Variants in RAB11FIP4 observed in about 807,000 individuals in gnomAD.
The protein encoded by RAB11FIP4 is rab11 family-interacting protein 4.
Under a neutral mutation model 74.3 loss-of-function variants are expected in RAB11FIP4, and 23 were observed. The observed-to-expected ratio is 0.31, with a 90% CI of 0.22 to 0.44. The LOEUF is 0.44. RAB11FIP4 is among the 20% of genes least tolerant of loss of function. The probability of loss-of-function intolerance (pLI) is 1.00; values close to 1 mark genes in which losing one functional copy is unlikely to be tolerated. For missense variants in RAB11FIP4, 630 were observed against 863.9 expected (o/e 0.73, Z 3.39); for synonymous variants, 360 against 359.9 (o/e 1.00, Z 0.00).
At chr17:31,461,612 G>A (rs549422639) in intron 3 of RAB11FIP4, among the ~76,000 whole-genome samples, 6 of 152,240 alleles carry the variant, frequency 3.9e-5, no homozygotes, top group Middle Eastern at 3.4e-3. Context: ...GGACTCATGC[G>A]TGTCTCATCT....
At chr17:31,415,056 C>G (rs2151621009) in intron 1 of RAB11FIP4, among the ~76,000 whole-genome samples, 1 of 152,316 alleles carries the variant, frequency 6.6e-6, no homozygotes, top group East Asian at 1.9e-4. Context: ...GTTCATGGGC[C>G]CCACCCTCCA....
chr17:31,445,953 T>G lies in RAB11FIP4; in HGVS notation c.336+11831T>G, dbSNP rs146822205. ...ATCTAATACAGGATCACACAGTAGT[T>G]TAGTTGCCATGTTTCTTTAGTTTCC... On this transcript the variant is annotated intron_variant, in intron 3 of 14. Coordinates refer to ENST00000621161, the MANE Select transcript of RAB11FIP4 (RefSeq NM_032932.6). 6.6e-5 allele frequency among the ~76,000 whole-genome samples: 10 copies of G among 152,102 alleles called. No homozygotes were observed. The East Asian group carries it at 1.9e-3, about 29-fold the overall frequency.
At chr17:31,516,083 G>C (rs1344503377) in intron 3 of RAB11FIP4, among the ~76,000 whole-genome samples, 1 of 152,140 alleles carries the variant, frequency 6.6e-6, no homozygotes, top group Non-Finnish European at 1.5e-5. Flanking sequence ...CTGTGTGTCA[G>C]ATGCGAACGT....
At chr17:31,517,191 C>CGGGGGGGGG (rs537395833) in intron 3 of RAB11FIP4, among the ~76,000 whole-genome samples, 6 of 42,698 alleles carry the variant, frequency 1.4e-4, no homozygotes, top group Non-Finnish European at 3.3e-4. Flanking sequence ...GGAGGCGGTG[C>CGGGGGGGGG]GGGGGGGGGG....
intron 1 of RAB11FIP4, among the ~76,000 whole-genome samples, chr17:31,428,259 G>A (rs1330803416): frequency 6.6e-6 from 1 of 152,232 alleles, no homozygotes; most frequent in African/African-American, 2.4e-5. Flanking sequence ...GACCCCTGCT[G>A]CAGCTGCCAC....
At chr17:31,456,019 A>G (rs998490329) in intron 3 of RAB11FIP4, among the ~76,000 whole-genome samples, 4 of 152,194 alleles carry the variant, frequency 2.6e-5, no homozygotes, top group African/African-American at 9.7e-5. Flanking sequence ...TGTTAACCCT[A>G]TTCCTTTAGA....
rs140292292 is a variant in RAB11FIP4 at position 31,402,661 on chromosome 17, G to A, written c.159+10650G>A. On this transcript the variant is annotated intron_variant, in intron 1 of 14. Coordinates refer to ENST00000621161, the MANE Select transcript of RAB11FIP4 (RefSeq NM_032932.6). Reference sequence around the variant, plus strand: ...TTTTGAGACAGAGTCTTGCTTTGTCGCCCAGGCTGGCGTGCAGTGGCGCAA... The same window carrying A: ...TTTTGAGACAGAGTCTTGCTTTGTCACCCAGGCTGGCGTGCAGTGGCGCAA... 1.9e-4 allele frequency among the ~76,000 whole-genome samples: 28 copies of A among 146,464 alleles called. No individual in the cohort carries two copies. In the East Asian group the frequency reaches 2.2e-3, roughly 11 times the overall value.
At chr17:31,494,465 T>A (rs2072075168) in intron 3 of RAB11FIP4, among the ~76,000 whole-genome samples, 1 of 152,086 alleles carries the variant, frequency 6.6e-6, no homozygotes, top group Non-Finnish European at 1.5e-5. Context: ...CTGGTTTGAT[T>A]GTTGTGACTA....
chr17:31,516,853 G>A (rs1199941776), intron 3 of RAB11FIP4, among the ~76,000 whole-genome samples: 1 of 152,174 alleles, frequency 6.6e-6, no homozygotes, highest in Non-Finnish European at 1.5e-5. Flanking sequence ...ATTTTCTGGG[G>A]TTTAAATACC....
At chr17:31,393,406 G>A (rs1597892283) in intron 1 of RAB11FIP4, among the ~76,000 whole-genome samples, 1 of 152,204 alleles carries the variant, frequency 6.6e-6, no homozygotes, top group African/African-American at 2.4e-5. Flanking sequence ...ACTGCAGGTC[G>A]GGTAAAGAAG....
At chr17:31,510,772 G>A (rs8074396) in intron 3 of RAB11FIP4, among the ~76,000 whole-genome samples, 2 of 152,132 alleles carry the variant, frequency 1.3e-5, no homozygotes, top group South Asian at 4.1e-4. Context: ...GTGAGCCACG[G>A]TGGGTAGAGG....
intron 1 of RAB11FIP4, among the ~76,000 whole-genome samples, chr17:31,412,710 C>T (rs150502688): frequency 6.6e-6 from 1 of 152,204 alleles, no homozygotes; most frequent in African/African-American, 2.4e-5. Context: ...AGGAAATGTA[C>T]GTGAACACCA....
chr17:31,481,608 G>A (rs185511704), intron 3 of RAB11FIP4, among the ~76,000 whole-genome samples: 1 of 152,190 alleles, frequency 6.6e-6, no homozygotes, highest in African/African-American at 2.4e-5. Flanking sequence ...AAGAGTAGAG[G>A]AAAACGAAGT....
At chr17:31,448,517 C>T (rs1451481584) in intron 3 of RAB11FIP4, 1 of 151,256 alleles carries the variant, frequency 6.6e-6, no homozygotes, top group African/African-American at 2.4e-5. Flanking sequence ...CAGTCATGAG[C>T]AACCTCTCCT....
intron 3 of RAB11FIP4, among the ~76,000 whole-genome samples, chr17:31,476,647 G>A (rs766070301): frequency 1.4e-4 from 22 of 152,342 alleles, no homozygotes; most frequent in Admixed American, 5.9e-4. Flanking sequence ...GGGACCACAG[G>A]GGACCTGGCC....
At chr17:31,445,600 T>TGACACGGA (rs2071455915) in intron 3 of RAB11FIP4, among the ~76,000 whole-genome samples, 1 of 77,066 alleles carries the variant, frequency 1.3e-5, no homozygotes, top group Non-Finnish European at 2.3e-5. Flanking sequence ...TTTTTTTTTT[T>TGACACGGA]TTTGACACGG....
intron 1 of RAB11FIP4, among the ~76,000 whole-genome samples, chr17:31,413,430 G>C (rs1292142665): frequency 6.6e-6 from 1 of 151,790 alleles, no homozygotes; most frequent in Non-Finnish European, 1.5e-5. Flanking sequence ...TCCTTCCATA[G>C]GCCCCCCGAG....
intron 1 of RAB11FIP4, among the ~76,000 whole-genome samples, chr17:31,404,325 A>G (rs914424380): frequency 9.2e-5 from 14 of 151,764 alleles, no homozygotes; most frequent in South Asian, 2.1e-4. Context: ...CCCCACTTCC[A>G]CTTTTCTACT....
In RAB11FIP4 at chr17:31,531,669, C is replaced by T. The variant is rs1198994593; in HGVS notation, c.1851C>T (p.Tyr617=). The T allele has an allele frequency of 1.2e-6, 2 of 1,614,126 alleles. No homozygotes were observed. The highest frequency in any genetic ancestry group is 1.1e-5 in the South Asian group (1 of 91,088). The change falls in exon 15 of 15, where the codon TAC becomes TAT. Residue 617 remains tyrosine (Y), a synonymous_variant. Transcript: ENST00000621161. ...AGATCAACTTCCGGCTGAGGCAGTA[C>T]ATGGACAAGATTATCCTCGCCATCC... ...QEEINFRLRQ[Y]MDKIILAILD...
Sources: gnomAD v4.1 joint callset for allele counts (sites outside exome capture counted in the v4.1 genomes callset) on GRCh38, gnomAD v4.1.1 for gene constraint, MANE v1.5 for transcripts, NCBI Gene and HGNC (gene_info 2026-07-23, HGNC 2026-07-21) for gene names.